Variants in CENPU observed in about 807,000 individuals in gnomAD.
The protein encoded by CENPU is centromere protein U, also known as KSHV latent nuclear antigen interacting protein 1.
A neutral mutation model predicts 56.7 loss-of-function variants in CENPU; 46 were observed. The ratio of observed to expected loss-of-function variants is 0.81; its 90% CI spans 0.64 to 1.04. The LOEUF (loss-of-function observed/expected upper bound fraction) is 1.04, where lower values mean the gene tolerates loss of function less well. Ranked by LOEUF, CENPU falls within the 50% of genes least tolerant of loss-of-function variation. The pLI, the probability that CENPU is intolerant of heterozygous loss-of-function variation, is 0.00. For missense variants in CENPU, 510 were observed against 490.1 expected (o/e 1.04, Z -0.38); for synonymous variants, 166 against 163.0 (o/e 1.02, Z -0.14).
rs1761438439 is a variant in CENPU, at chr4:184,726,001, G to GT, written c.215-940dup. Among the ~76,000 whole-genome samples, 3 of 152,260 alleles carry GT rather than the reference G, an allele frequency of 2.0e-5. No individual in the cohort carries two copies. The South Asian group carries it at 6.2e-4, about 32-fold the overall frequency. Reference sequence around the variant, plus strand: ...AGCTGAACTGCTGTAAGGGGGCCTGGTAAGAGCCAAGCAACCATTTCTTCA... The same window carrying GT: ...AGCTGAACTGCTGTAAGGGGGCCTGGTTAAGAGCCAAGCAACCATTTCTTCA... On this transcript the variant is annotated intron_variant, in intron 3 of 12. Transcript: ENST00000281453.
At chr4:184,706,899 T>TCAAGACTGAAACTGGGGTTGGACTTG (rs1561132087) in intron 8 of CENPU, among the ~76,000 whole-genome samples, 2 of 151,932 alleles carry the variant, frequency 1.3e-5, no homozygotes, top group African/African-American at 4.9e-5. Flanking sequence ...CCCTGTGTCC[T>TCAAGACTGAAACTGGGGTTGGACTTG]TACTACCCAC....
At chr4:184,726,305 G>T (rs1444144628) in intron 3 of CENPU, among the ~76,000 whole-genome samples, 1 of 152,024 alleles carries the variant, frequency 6.6e-6, no homozygotes, top group Non-Finnish European at 1.5e-5. Flanking sequence ...AACGGGCAAA[G>T]GGTGAACAGA....
intron 9 of CENPU, 113 bp from the exon 10 acceptor site, chr4:184,702,249 A>G (rs956069483): frequency 1.6e-6 from 2 of 1,236,568 alleles, no homozygotes. Context: ...GAATAGTTCT[A>G]ATGAGTTTAT....
Position 184,716,694 on chromosome 4 carries a change from T to C in CENPU, c.382-61A>G, listed in dbSNP as rs1561138839. ...AAATAGAAATGCTTATAATTCTTAC[T>C]GTAATAGTAGAAAACCATATATATA... On this transcript the variant is annotated intron_variant, in intron 5 of 12. Transcript: ENST00000281453. 3.1e-6 allele frequency: 4 copies of C among 1,274,592 alleles called. No homozygotes were observed. The Admixed American group carries it at 5.6e-5, about 18-fold the overall frequency. 79.0% of individuals were successfully genotyped at this position (1,274,592 alleles called of 1,614,324 possible).
intron 11 of CENPU, among the ~76,000 whole-genome samples, chr4:184,700,264 C>A (rs1040922025): frequency 6.6e-6 from 1 of 151,832 alleles, no homozygotes; most frequent in African/African-American, 2.4e-5. Context: ...GATTCACATG[C>A]ATGTCACTCC....
chr4:184,726,536 T>C (rs886866879), intron 3 of CENPU, among the ~76,000 whole-genome samples: 3 of 152,144 alleles, frequency 2.0e-5, no homozygotes, highest in African/African-American at 7.2e-5. Flanking sequence ...CTGAAACCCT[T>C]GGGCCCTGCT....
chr4:184,727,834 T>C (rs570279214), intron 3 of CENPU, among the ~76,000 whole-genome samples: 1 of 152,224 alleles, frequency 6.6e-6, no homozygotes, highest in African/African-American at 2.4e-5. Flanking sequence ...AGGAATGAGG[T>C]AGATACACGT....
At chr4:184,713,537 C>T (rs527491986) in intron 6 of CENPU, among the ~76,000 whole-genome samples, 5 of 152,154 alleles carry the variant, frequency 3.3e-5, no homozygotes, top group Non-Finnish European at 7.4e-5. Context: ...TGACTTTTAA[C>T]AATTGTTGCC....
chr4:184,701,391 C>A (rs2150202683), intron 10 of CENPU, among the ~76,000 whole-genome samples: 1 of 152,218 alleles, frequency 6.6e-6, no homozygotes, highest in East Asian at 1.9e-4. Flanking sequence ...AACTGAAAAA[C>A]AAAAACATCC....
chr4:184,730,556 A>G (rs1761604758), intron 2 of CENPU, among the ~76,000 whole-genome samples: 1 of 150,512 alleles, frequency 6.6e-6, no homozygotes, highest in African/African-American at 2.4e-5. Context: ...GACTCTAAAG[A>G]AAAGTAAACC....
chr4:184,730,155 G>A lies in CENPU; in HGVS notation c.96+765C>T, dbSNP rs566616478. 2.6e-4 allele frequency among the ~76,000 whole-genome samples: 39 copies of A among 152,330 alleles called. No individual in the cohort carries two copies. In the South Asian group the frequency reaches 7.9e-3, roughly 31 times the overall value. ...GCACTCTGGGCTTCCAGCTAAGGCT[G>A]GAGCTTAGAGAAATCCCTCCGAGGC... On this transcript the variant is annotated intron_variant, in intron 2 of 12. Transcript: ENST00000281453.
intron 3 of CENPU, among the ~76,000 whole-genome samples, chr4:184,727,842 C>T (rs929957248): frequency 6.6e-6 from 1 of 152,094 alleles, no homozygotes; most frequent in Non-Finnish European, 1.5e-5. Context: ...GGTAGATACA[C>T]GTTACAACAT....
intron 2 of CENPU, among the ~76,000 whole-genome samples, chr4:184,729,989 A>G (rs1761582266): frequency 6.6e-6 from 1 of 152,244 alleles, no homozygotes; most frequent in South Asian, 2.1e-4. Context: ...AGATGCCCCC[A>G]GTGAAAGAAT....
At chr4:184,727,604 A>G (rs1019950635) in intron 3 of CENPU, among the ~76,000 whole-genome samples, 2 of 152,188 alleles carry the variant, frequency 1.3e-5, no homozygotes, top group African/African-American at 4.8e-5. Flanking sequence ...CAGTTCCTCA[A>G]AAAGTTAAAA....
At chr4:184,719,110 A>T (rs1266213878) in intron 4 of CENPU, among the ~76,000 whole-genome samples, 1 of 152,192 alleles carries the variant, frequency 6.6e-6, no homozygotes, top group African/African-American at 2.4e-5. Context: ...ATGGCTGAAC[A>T]GAGGGCTCCA....
intron 11 of CENPU, 91 bp downstream of exon 11, chr4:184,700,729 C>T (rs769438828): frequency 8.9e-7 from 1 of 1,122,024 alleles, no homozygotes; most frequent in Non-Finnish European, 1.4e-6. Flanking sequence ...GGCTTTAATA[C>T]ATCACAGCAG....
chr4:184,705,425 G>C (rs558747027), intron 8 of CENPU, among the ~76,000 whole-genome samples: 5 of 152,124 alleles, frequency 3.3e-5, no homozygotes, highest in Non-Finnish European at 4.4e-5. Flanking sequence ...TGTGGGTGTA[G>C]TTATAAAAGG....
intron 7 of CENPU, among the ~76,000 whole-genome samples, chr4:184,710,961 T>C (rs1760902656): frequency 6.6e-6 from 1 of 152,106 alleles, no homozygotes; most frequent in South Asian, 2.1e-4. Flanking sequence ...GCTCAAGTGA[T>C]CCTCCCACCT....
intron 12 of CENPU, among the ~76,000 whole-genome samples, 175 bp from the exon 13 acceptor site, chr4:184,695,576 T>C (rs1344543123): frequency 6.6e-6 from 1 of 152,222 alleles, no homozygotes; most frequent in Non-Finnish European, 1.5e-5. Context: ...CCTTAGAATA[T>C]AATTGATCAC....
Sources: allele counts gnomAD v4.1 joint callset (sites outside exome capture counted in the v4.1 genomes callset), GRCh38; gene constraint gnomAD v4.1.1; transcripts MANE v1.5; gene names NCBI Gene and HGNC (gene_info 2026-07-23, HGNC 2026-07-21).